Variants in SLC38A5 observed in about 807,000 individuals in gnomAD.
SLC38A5 encodes solute carrier family 38 member 5, also known as sodium-coupled neutral amino acid transporter 5.
Under a neutral mutation model 34.6 loss-of-function variants are expected in SLC38A5, and 9 were observed. That is an observed-to-expected ratio of 0.26 (90% CI 0.16 to 0.45). The LOEUF (loss-of-function observed/expected upper bound fraction) is 0.45, where lower values mean the gene tolerates loss of function less well. Among genes scored for constraint, SLC38A5 ranks in the 20% least tolerant of loss-of-function variants. The probability of loss-of-function intolerance (pLI) is 1.00; values close to 1 mark genes in which losing one functional copy is unlikely to be tolerated. For synonymous variants in SLC38A5, 157 were observed against 155.6 expected, an observed-to-expected ratio of 1.01 and a Z score of -0.07; for missense variants, 253 against 394.7, an observed-to-expected ratio of 0.64 and a Z score of 3.04.
At chrX:48,468,784 G>C (rs968190949) in intron 2 of SLC38A5, 2 of 638,948 alleles carry the variant, frequency 3.1e-6, no homozygotes, top group Admixed American at 2.1e-4. Context: ...TCCTAGGTGT[G>C]GGGTGTGGGG....
chrX:48,465,113 G>A (rs1556962888), intron 8 of SLC38A5, among the ~76,000 whole-genome samples: 1 of 111,497 alleles, frequency 9.0e-6, no homozygotes, highest in African/African-American at 3.3e-5. Context: ...CACACGTGCA[G>A]CTGGAGCACA....
intron 8 of SLC38A5, among the ~76,000 whole-genome samples, chrX:48,463,913 G>GAAAGAAAGAAAGAAAGAA (rs1569470031): frequency 3.1e-5 from 3 of 96,261 alleles, no homozygotes; most frequent in African/African-American, 1.2e-4. Flanking sequence ...GAAAGAAAGA[G>GAAAGAAAGAAAGAAAGAA]AAAGAAAGAA....
Position 48,466,289 on chromosome X carries a change from G to A in SLC38A5, c.353C>T (p.Ala118Val). 1 of 1,203,376 alleles carries A rather than the reference G, an allele frequency of 8.3e-7. No homozygotes were observed. The highest frequency in any genetic ancestry group is 1.1e-6 in the Non-Finnish European group (1 of 891,689). The change falls in exon 7 of 17, where the codon GCA (alanine) becomes GTA (valine). Residue 118 changes from alanine (A) to valine (V), a missense_variant. Transcript: ENST00000620913. ...CACTACCTTCCCCGCAGGCCCGAAT[G>A]CCCTCTGTCCCAGCTGCTCATAGGC... ...IRAYEQLGQR[A>V]FGPAGKVVVA...
intron 4 of SLC38A5, 137 bp downstream of exon 4, chrX:48,467,573 A>G: frequency 5.2e-6 from 3 of 581,295 alleles, no homozygotes; most frequent in Non-Finnish European, 8.4e-6. Context: ...GGAGCGACCA[A>G]GTAGTGTGTA....
intron 12 of SLC38A5, 143 bp from the exon 13 acceptor site, chrX:48,461,229 C>A (rs1232176918): frequency 2.0e-6 from 1 of 492,438 alleles, no homozygotes; most frequent in East Asian, 3.7e-5. Flanking sequence ...GTCTCTGCCT[C>A]CCCTGTGACT....
At chrX:48,459,334 G>T in intron 16 of SLC38A5, 1 of 437,097 alleles carries the variant, frequency 2.3e-6, no homozygotes, top group Non-Finnish European at 3.8e-6. Context: ...CTGTTTGAGT[G>T]CTCCCTGTCT....
chrX:48,465,830 G>A (rs1050627041), intron 8 of SLC38A5, among the ~76,000 whole-genome samples, 185 bp downstream of exon 8: 1 of 111,404 alleles, frequency 9.0e-6, no homozygotes, highest in Admixed American at 9.5e-5. Context: ...GCACACGGTC[G>A]ACTGGACTCC....
intron 14 of SLC38A5, among the ~76,000 whole-genome samples, chrX:48,460,240 C>T (rs1362968578): frequency 9.0e-6 from 1 of 110,757 alleles, no homozygotes; most frequent in Non-Finnish European, 1.9e-5. Context: ...CTGACCTCTA[C>T]CTCCCTCCTC....
rs782647382 is a variant in SLC38A5, at chrX:48,466,948, A to T, written c.245+14T>A. 5 of 1,208,061 alleles carry T rather than the reference A, an allele frequency of 4.1e-6. No homozygotes were observed. On this transcript the variant is annotated intron_variant, in intron 5 of 16. Transcript: ENST00000620913. ...CACAACACCCCTGGCCCCGCAGGCC[A>T]CCTATGGACTCACAGGAAGAAGATG...
At chrX:48,465,396 G>A (rs1418344169) in intron 8 of SLC38A5, among the ~76,000 whole-genome samples, 8 of 111,459 alleles carry the variant, frequency 7.2e-5, no homozygotes, top group Admixed American at 1.9e-4. Context: ...GGCTGGACAC[G>A]TACAGTCAGA....
chrX:48,463,875 GAAA>G (rs1369905942), intron 8 of SLC38A5, among the ~76,000 whole-genome samples: 4 of 98,548 alleles, frequency 4.1e-5, no homozygotes, highest in Non-Finnish European at 6.0e-5. Flanking sequence ...AAGAAAGAAA[GAAA>G]GAAAGAAAGA....
intron 3 of SLC38A5, 24 bp downstream of exon 3, chrX:48,467,848 C>T (rs782244750): frequency 1.7e-6 from 2 of 1,206,548 alleles, no homozygotes; most frequent in Non-Finnish European, 2.2e-6. Context: ...TCCCTGAGCC[C>T]ACCTCCTTGG....
intron 11 of SLC38A5, 71 bp from the exon 12 acceptor site, chrX:48,461,868 G>A (rs956505541): frequency 4.8e-5 from 40 of 826,318 alleles, no homozygotes; most frequent in South Asian, 3.6e-4. Flanking sequence ...TCCCCCTCCC[G>A]CCCCGTAATC....
In SLC38A5 at chrX:48,461,002, T is replaced by A. The variant is rs782376661; in HGVS notation, c.936A>T (p.Gly312=). The change falls in exon 13 of 17, where the codon GGA becomes GGT. Residue 312 remains glycine, a synonymous_variant. Coordinates refer to ENST00000620913, the MANE Select transcript of SLC38A5 (RefSeq NM_033518.4). ...CCCACTCACTGTAGAAGGTGAGGTA[T>A]CCAAAGGTTGCTGTGAGCCCATACA... ...FCMYGLTATF[G]YLTFYSSVKA... 35 of 1,199,462 alleles carry A rather than the reference T, an allele frequency of 2.9e-5. No individual in the cohort carries two copies. Among genetic ancestry groups the A allele is most frequent in the African/African-American group, 3.6e-5 (2 of 55,635 alleles).
At chrX:48,464,695 G>A (rs1230200722) in intron 8 of SLC38A5, among the ~76,000 whole-genome samples, 2 of 112,266 alleles carry the variant, frequency 1.8e-5, no homozygotes, top group African/African-American at 6.5e-5. Context: ...AACCTGGGAG[G>A]TGGAGGTTGC....
In SLC38A5 at chrX:48,459,049, G is replaced by A; in HGVS notation, c.1318-15C>T. 1 of 1,174,614 alleles carries A rather than the reference G, an allele frequency of 8.5e-7. No homozygotes were observed. Among genetic ancestry groups the A allele is most frequent in the East Asian group, 3.1e-5 (1 of 31,827 alleles). Reference sequence around the variant, plus strand: ...AAGCACAGGGCCTGTGGGCCAGAGAGACAAGATGGGGCTGGTTGGGACTCC... The same window carrying A: ...AAGCACAGGGCCTGTGGGCCAGAGAAACAAGATGGGGCTGGTTGGGACTCC... On this transcript the variant is annotated splice_polypyrimidine_tract_variant and intron_variant, in intron 16 of 16. Coordinates refer to ENST00000620913, the MANE Select transcript of SLC38A5 (RefSeq NM_033518.4).
chrX:48,467,332 A>C (rs1290499955), intron 4 of SLC38A5: 1 of 408,801 alleles, frequency 2.4e-6, no homozygotes, highest in Non-Finnish European at 4.2e-6. Context: ...GGACCGGGGG[A>C]GGGTGAAGCA....
At chrX:48,461,690 A>G (rs782294534) in intron 12 of SLC38A5, 28 bp downstream of exon 12, 8 of 1,181,573 alleles carry the variant, frequency 6.8e-6, no homozygotes, top group Non-Finnish European at 9.1e-6. Context: ...CTGGCCCATC[A>G]TTCAGGCCCA....
In SLC38A5 at chrX:48,460,288, A is replaced by G. The variant is rs974325155; in HGVS notation, c.1068+361T>C. Reference sequence around the variant, plus strand: ...TCTGCCTCCCCATCTGGGAGACTTGACCCTCCTACATCCCATCACTTCAGC... The same window carrying G: ...TCTGCCTCCCCATCTGGGAGACTTGGCCCTCCTACATCCCATCACTTCAGC... On this transcript the variant is annotated intron_variant, in intron 14 of 16. Transcript: ENST00000620913. Among the ~76,000 whole-genome samples the G allele has an allele frequency of 2.8e-5, 3 of 108,574 alleles. No individual in the cohort carries two copies. The Admixed American group carries it at 3.0e-4, about 11-fold the overall frequency. The allele number at this position is 108,574 out of a possible 115,157, so 94.3% of individuals were successfully genotyped here. A position where few individuals can be genotyped will look rare whatever the true frequency, so the allele number is the denominator to read the frequency against.
Sources: allele counts gnomAD v4.1 joint callset (sites outside exome capture counted in the v4.1 genomes callset), GRCh38; gene constraint gnomAD v4.1.1; transcripts MANE v1.5; gene names NCBI Gene and HGNC (gene_info 2026-07-23, HGNC 2026-07-21).